KIAA0825: variants seen among roughly 807,000 people sequenced by gnomAD.
KIAA0825 encodes the protein KIAA0825.
A neutral mutation model predicts 147.6 loss-of-function variants in KIAA0825; 119 were observed. That is an observed-to-expected ratio of 0.81 (90% CI 0.69 to 0.94). The LOEUF is 0.94. Among genes scored for constraint, KIAA0825 ranks in the 40% least tolerant of loss-of-function variants. KIAA0825 has a pLI of 0.00. For missense variants in KIAA0825, 1,381 were observed against 1,472.7 expected (o/e 0.94, Z 1.02); for synonymous variants, 470 against 518.1 (o/e 0.91, Z 1.26).
intron 20 of KIAA0825, among the ~76,000 whole-genome samples, chr5:94,192,073 A>G (rs1162349691): frequency 6.6e-6 from 1 of 152,268 alleles, no homozygotes; most frequent in Non-Finnish European, 1.5e-5. Context: ...AAAGCGAACT[A>G]GGCGTTCTAA....
chr5:94,264,338 C>T (rs1270062617), intron 20 of KIAA0825, among the ~76,000 whole-genome samples: 2 of 152,118 alleles, frequency 1.3e-5, no homozygotes, highest in Non-Finnish European at 2.9e-5. Context: ...ATAAGTTCTT[C>T]GATTCCTTGA....
chr5:94,299,388 CT>C (rs1178469759), intron 20 of KIAA0825, among the ~76,000 whole-genome samples: 432 of 140,962 alleles, frequency 3.1e-3, no homozygotes, highest in Admixed American at 3.7e-3. Flanking sequence ...GGGTAATTTA[CT>C]TTTTTTTTTT....
rs1175360792 is a variant in KIAA0825, at chr5:94,152,856, TTATATATATATATATA to T, written c.*1135_*1150del. The T allele has an allele frequency of 0.013, 35 of 2,774 alleles. No individual in the cohort carries two copies. The highest frequency in any genetic ancestry group is 0.17 in the Middle Eastern group (1 of 6). 0.2% of individuals were successfully genotyped at this position (2,774 alleles called of 1,614,324 possible). ...AAAAAAAAAAAAAAAAAAAAAAAAA[TTATATATATATATATA>T]TATATATATATATATATATATATAT... On this transcript the variant is annotated 3_prime_UTR_variant, in exon 21 of 21. Transcript: ENST00000682413.
chr5:94,520,395 T>A lies in KIAA0825; in HGVS notation c.823A>T (p.Ile275Phe), dbSNP rs1767940293. Residue 275 changes from isoleucine to phenylalanine, a missense_variant, in exon 5 of 21, where the codon ATT becomes TTT. By Grantham distance (21) the Ile-to-Phe change is conservative (BLOSUM62 0). Coordinates refer to ENST00000682413, the MANE Select transcript of KIAA0825 (RefSeq NM_001145678.3). ...ACAGTATCCAGGTAAGTTTCTTTAA[T>A]GAATTTCACCATTGAAGATGGAGCT... ...ILAPSSMVKF[I>F]KETYLDTVTE... 3.1e-6 allele frequency: 5 copies of A among 1,613,286 alleles called. No individual in the cohort carries two copies. Among genetic ancestry groups the A allele is most frequent in the Non-Finnish European group, 4.2e-6 (5 of 1,179,436 alleles).
At chr5:94,496,198 CT>C (rs1192966702) in intron 5 of KIAA0825, among the ~76,000 whole-genome samples, 1 of 152,128 alleles carries the variant, frequency 6.6e-6, no homozygotes, top group Non-Finnish European at 1.5e-5. Flanking sequence ...TGGCTTTTCT[CT>C]TTGTAAACGG....
chr5:94,200,480 A>G (rs1004200358), intron 20 of KIAA0825, among the ~76,000 whole-genome samples: 1 of 151,310 alleles, frequency 6.6e-6, no homozygotes, highest in Non-Finnish European at 1.5e-5. Flanking sequence ...AGCTCTTCCT[A>G]GTTGCATCCA....
intron 2 of KIAA0825, among the ~76,000 whole-genome samples, chr5:94,542,810 A>C (rs1773601575): frequency 6.6e-6 from 1 of 152,134 alleles, no homozygotes; most frequent in Non-Finnish European, 1.5e-5. Flanking sequence ...CCCTCTCAAA[A>C]AAAAGAAAGA....
At chr5:94,532,602 G>A (rs565189014) in intron 3 of KIAA0825, among the ~76,000 whole-genome samples, 2 of 149,522 alleles carry the variant, frequency 1.3e-5, no homozygotes, top group African/African-American at 4.9e-5. Flanking sequence ...ACAATAGCGT[G>A]TGCAGCCTCA....
chr5:94,238,966 A>G (rs1775209997), intron 20 of KIAA0825, among the ~76,000 whole-genome samples: 1 of 152,162 alleles, frequency 6.6e-6, no homozygotes, highest in African/African-American at 2.4e-5. Context: ...AAGTTGAACA[A>G]TTTCTTCAAT....
chr5:94,274,168 T>C (rs1395272769), intron 20 of KIAA0825, among the ~76,000 whole-genome samples: 1 of 152,170 alleles, frequency 6.6e-6, no homozygotes, highest in African/African-American at 2.4e-5. Flanking sequence ...GTGGTAAGAA[T>C]AGTTAACATT....
At chr5:94,165,441 C>G (rs1767945245) in intron 20 of KIAA0825, among the ~76,000 whole-genome samples, 1 of 152,056 alleles carries the variant, frequency 6.6e-6, no homozygotes, top group Admixed American at 6.6e-5. Flanking sequence ...CTAAGGAAAA[C>G]AGTTGGAGGT....
At chr5:94,453,705 T>A (rs1024926261) in intron 12 of KIAA0825, among the ~76,000 whole-genome samples, 2 of 152,130 alleles carry the variant, frequency 1.3e-5, no homozygotes, top group Admixed American at 6.5e-5. Flanking sequence ...ATTTAATTTT[T>A]AAAAATCTCA....
intron 5 of KIAA0825, among the ~76,000 whole-genome samples, chr5:94,517,229 A>G (rs1767409233): frequency 6.6e-6 from 1 of 152,212 alleles, no homozygotes. Flanking sequence ...AAACAGAGAA[A>G]TCTTCTTTTT....
chr5:94,355,516 C>T (rs959111170), intron 20 of KIAA0825, among the ~76,000 whole-genome samples: 3 of 152,056 alleles, frequency 2.0e-5, no homozygotes, highest in African/African-American at 7.2e-5. Context: ...GGCCATGATT[C>T]CCCAGACCCG....
chr5:94,469,941 T>C lies in KIAA0825; in HGVS notation c.1872+20A>G, dbSNP rs1298518732. The C allele has an allele frequency of 6.5e-7, 1 of 1,530,398 alleles. No individual in the cohort carries two copies. The highest frequency in any genetic ancestry group is 1.4e-5 in the African/African-American group (1 of 72,490). 94.8% of individuals were successfully genotyped at this position (1,530,398 alleles called of 1,614,324 possible). A position where few individuals can be genotyped will look rare whatever the true frequency, so the allele number is the denominator to read the frequency against. On this transcript the variant is annotated intron_variant, in intron 10 of 20. Coordinates refer to ENST00000682413, the MANE Select transcript of KIAA0825 (RefSeq NM_001145678.3). ...AACATATTTGTGTAAAAAGGAGGGA[T>C]AGTAAACTTAACTTCACACCTCATA...
chr5:94,603,260 G>A (rs1040860395), intron 1 of KIAA0825, among the ~76,000 whole-genome samples: 1 of 152,072 alleles, frequency 6.6e-6, no homozygotes, highest in African/African-American at 2.4e-5. Context: ...AAGATACTGG[G>A]GGCCAATATT....
chr5:94,358,562 T>G (rs1441974393), intron 20 of KIAA0825, among the ~76,000 whole-genome samples: 1 of 152,236 alleles, frequency 6.6e-6, no homozygotes, highest in Non-Finnish European at 1.5e-5. Context: ...TGGGGCAATA[T>G]TCTCTTCCTC....
At chr5:94,519,941 A>ATG (rs1399581729) in intron 5 of KIAA0825, 1 of 854,596 alleles carries the variant, frequency 1.2e-6, no homozygotes, top group African/African-American at 1.8e-5. Context: ...ATTTATATAT[A>ATG]TGTGTGTATA....
At chr5:94,602,328 G>A (rs1786639926) in intron 1 of KIAA0825, among the ~76,000 whole-genome samples, 1 of 151,692 alleles carries the variant, frequency 6.6e-6, no homozygotes, top group African/African-American at 2.4e-5. Flanking sequence ...TCCAGCCTGG[G>A]CAACTTAGCA....
Sources: allele counts gnomAD v4.1 joint callset (sites outside exome capture counted in the v4.1 genomes callset), GRCh38; gene constraint gnomAD v4.1.1; transcripts MANE v1.5; gene names NCBI Gene and HGNC (gene_info 2026-07-23, HGNC 2026-07-21).